The following NAALADL2 variants were observed in gnomAD, a reference collection of about 807,000 sequenced individuals.
NAALADL2 encodes the protein inactive N-acetylated-alpha-linked acidic dipeptidase-like protein 2.
Under a neutral mutation model 87.2 loss-of-function variants are expected in NAALADL2, and 76 were observed. The ratio of observed to expected loss-of-function variants is 0.87; its 90% confidence interval spans 0.72 to 1.05. The LOEUF is 1.05. Among genes scored for constraint, NAALADL2 ranks in the 50% least tolerant of loss-of-function variants. The pLI is 0.00. For missense variants in NAALADL2, 1,089 were observed against 945.8 expected, an observed-to-expected ratio of 1.15 and a Z score of -1.99; for synonymous variants, 354 against 331.0, an observed-to-expected ratio of 1.07 and a Z score of -0.75.
chr3:175,300,457 A>G (rs891490728), intron 4 of NAALADL2, among the ~76,000 whole-genome samples: 1 of 152,110 alleles, frequency 6.6e-6, no homozygotes, highest in Non-Finnish European at 1.5e-5. Flanking sequence ...TACTGCCTCA[A>G]TTTCAGAACT....
intron 3 of NAALADL2, among the ~76,000 whole-genome samples, chr3:174,802,657 G>T (rs192229891): frequency 6.6e-6 from 1 of 152,158 alleles, no homozygotes; most frequent in East Asian, 1.9e-4. Flanking sequence ...GACAGGCCCC[G>T]GTGTGTGATG....
chr3:174,490,173 G>A (rs1167887649), intron 1 of NAALADL2, among the ~76,000 whole-genome samples: 1 of 152,068 alleles, frequency 6.6e-6, no homozygotes, highest in Non-Finnish European at 1.5e-5. Flanking sequence ...ACTGATGAAT[G>A]CAAGGATAAA....
intron 12 of NAALADL2, among the ~76,000 whole-genome samples, chr3:175,742,483 C>T (rs897335421): frequency 2.0e-5 from 3 of 152,136 alleles, no homozygotes; most frequent in East Asian, 1.9e-4. Context: ...CTGCAAGCTC[C>T]GCCTCCCGGG....
chr3:175,095,901 C>T (rs1721072202), intron 1 of NAALADL2, among the ~76,000 whole-genome samples: 1 of 152,096 alleles, frequency 6.6e-6, no homozygotes, highest in African/African-American at 2.4e-5. Flanking sequence ...TGAATACAGA[C>T]TTAAGACCAC....
At chr3:175,206,823 C>CA (rs1741004028) in intron 2 of NAALADL2, among the ~76,000 whole-genome samples, 2 of 152,110 alleles carry the variant, frequency 1.3e-5, no homozygotes, top group African/African-American at 4.8e-5. Context: ...TCTGCTAATC[C>CA]TTCCAATCTG....
intron 1 of NAALADL2, among the ~76,000 whole-genome samples, chr3:174,468,702 C>A (rs1716692595): frequency 6.7e-6 from 1 of 148,608 alleles, no homozygotes; most frequent in Non-Finnish European, 1.5e-5. Flanking sequence ...TCATATAAGG[C>A]TAAAATATAC....
At chr3:174,476,825 C>T (rs1338830018) in intron 1 of NAALADL2, among the ~76,000 whole-genome samples, 1 of 151,982 alleles carries the variant, frequency 6.6e-6, no homozygotes, top group African/African-American at 2.4e-5. Flanking sequence ...TAAGTGATTT[C>T]AGGCACTATA....
chr3:174,759,889 T>C (rs1002746120), intron 3 of NAALADL2, among the ~76,000 whole-genome samples: 4 of 151,958 alleles, frequency 2.6e-5, no homozygotes, highest in African/African-American at 9.7e-5. Context: ...TCAGTAGACA[T>C]GGGGTTTTGC....
intron 5 of NAALADL2, among the ~76,000 whole-genome samples, chr3:175,381,649 A>G (rs115905037): frequency 0.017 from 2,581 of 152,270 alleles, 75 homozygotes; most frequent in African/African-American, 0.058. Context: ...ACAGTTTTTC[A>G]GTTCCTTTAA....
At chr3:174,950,149 C>T (rs1434916929) in intron 1 of NAALADL2, among the ~76,000 whole-genome samples, 1 of 152,058 alleles carries the variant, frequency 6.6e-6, no homozygotes, top group African/African-American at 2.4e-5. Context: ...TATCTACTAT[C>T]TGTCCCTTTA....
At chr3:175,049,827 G>A (rs1322545144) in intron 1 of NAALADL2, among the ~76,000 whole-genome samples, 1 of 152,220 alleles carries the variant, frequency 6.6e-6, no homozygotes, top group African/African-American at 2.4e-5. Flanking sequence ...AGAGAAAGTA[G>A]TTGAGAAAGG....
At chr3:175,077,255 A>G (rs539107164) in intron 1 of NAALADL2, among the ~76,000 whole-genome samples, 5 of 152,346 alleles carry the variant, frequency 3.3e-5, no homozygotes, top group Non-Finnish European at 1.5e-5. Flanking sequence ...TTAAATGTGT[A>G]AAACGATTGG....
chr3:175,356,233 T>G (rs1323134365), intron 5 of NAALADL2, among the ~76,000 whole-genome samples: 1 of 152,024 alleles, frequency 6.6e-6, no homozygotes, highest in East Asian at 1.9e-4. Context: ...CAGAACTCTT[T>G]AGAATGATAG....
chr3:175,668,992 A>G (rs1006251028), intron 11 of NAALADL2, among the ~76,000 whole-genome samples: 9 of 152,120 alleles, frequency 5.9e-5, no homozygotes, highest in Non-Finnish European at 8.8e-5. Flanking sequence ...TCTCCATTTA[A>G]CCAATGGAGA....
At chr3:174,500,178 G>A (rs1718796331) in intron 1 of NAALADL2, among the ~76,000 whole-genome samples, 1 of 151,924 alleles carries the variant, frequency 6.6e-6, no homozygotes, top group Non-Finnish European at 1.5e-5. Context: ...TAATTTTGAT[G>A]TGATTTCAGA....
At chr3:175,703,025 T>A (rs1160255076) in intron 11 of NAALADL2, among the ~76,000 whole-genome samples, 1 of 152,160 alleles carries the variant, frequency 6.6e-6, no homozygotes, top group Non-Finnish European at 1.5e-5. Context: ...GTGTTTTACC[T>A]GCTGTATAAC....
chr3:175,654,932 C>A (rs1582789334), intron 11 of NAALADL2, among the ~76,000 whole-genome samples: 1 of 141,994 alleles, frequency 7.0e-6, no homozygotes, highest in Non-Finnish European at 1.5e-5. Context: ...TGCAAGATAT[C>A]TTTTTTTTTT....
intron 5 of NAALADL2, among the ~76,000 whole-genome samples, chr3:175,432,535 G>T (rs113469829): frequency 6.6e-6 from 1 of 151,874 alleles, no homozygotes; most frequent in African/African-American, 2.4e-5. Context: ...AGTCATCTCC[G>T]GTTAACCTTG....
intron 13 of NAALADL2, among the ~76,000 whole-genome samples, chr3:175,781,567 T>A (rs1751077879): frequency 6.6e-6 from 1 of 151,912 alleles, no homozygotes; most frequent in South Asian, 2.1e-4. Context: ...ATTGTTATAT[T>A]AGAGTGTGCT....
Sources: gnomAD v4.1 joint callset for allele counts (sites outside exome capture counted in the v4.1 genomes callset) on GRCh38, gnomAD v4.1.1 for gene constraint, MANE v1.5 for transcripts, NCBI Gene and HGNC (gene_info 2026-07-23, HGNC 2026-07-21) for gene names.